Variants in FAM193A observed in about 807,000 individuals in gnomAD.
The protein encoded by FAM193A is protein FAM193A.
In FAM193A, 22 loss-of-function variants were observed where a neutral mutation model predicts 126.5. The ratio of observed to expected loss-of-function variants is 0.17; its 90% CI spans 0.12 to 0.25. The LOEUF (loss-of-function observed/expected upper bound fraction) is 0.25, where lower values mean the gene tolerates loss of function less well. Among genes scored for constraint, FAM193A ranks in the 10% least tolerant of loss-of-function variants. The pLI is 1.00. For missense variants in FAM193A, 1,675 were observed against 1,672.8 expected, an observed-to-expected ratio of 1.00 and a Z score of -0.02; for synonymous variants, 761 against 646.8, an observed-to-expected ratio of 1.18 and a Z score of -2.68.
chr4:2,615,681 G>A (rs539269035), intron 2 of FAM193A, among the ~76,000 whole-genome samples: 1 of 152,120 alleles, frequency 6.6e-6, no homozygotes, highest in African/African-American at 2.4e-5. Context: ...ACCACGCCCA[G>A]GTAATTTTTG....
intron 19 of FAM193A, chr4:2,715,565 A>T: frequency 1.0e-6 from 1 of 971,286 alleles, no homozygotes; most frequent in Non-Finnish European, 1.2e-6. Flanking sequence ...TCAAGGGCAC[A>T]TTCGAGGGAC....
chr4:2,601,630 C>G (rs1168720319), intron 2 of FAM193A, among the ~76,000 whole-genome samples: 1 of 151,240 alleles, frequency 6.6e-6, no homozygotes, highest in Non-Finnish European at 1.5e-5. Context: ...TGGATCACAC[C>G]TGTAACCGTA....
intron 1 of FAM193A, among the ~76,000 whole-genome samples, chr4:2,567,106 A>T (rs867969265): frequency 5.8e-5 from 8 of 137,904 alleles, no homozygotes; most frequent in African/African-American, 1.6e-4. Flanking sequence ...TGCCCGGCTC[A>T]TTTTTTTTTT....
At chr4:2,604,710 A>C (rs989252912) in intron 2 of FAM193A, among the ~76,000 whole-genome samples, 4 of 146,146 alleles carry the variant, frequency 2.7e-5, no homozygotes, top group Non-Finnish European at 6.0e-5. Flanking sequence ...TAGTCTGTTT[A>C]GGTGTTCTTA....
intron 20 of FAM193A, among the ~76,000 whole-genome samples, chr4:2,720,737 A>C (rs1472163677): frequency 6.6e-6 from 1 of 152,230 alleles, no homozygotes; most frequent in Admixed American, 6.5e-5. Flanking sequence ...TAATAGCACC[A>C]AAATCTCTCA....
At chr4:2,552,848 T>A (rs1158101724) in intron 1 of FAM193A, among the ~76,000 whole-genome samples, 1 of 61,008 alleles carries the variant, frequency 1.6e-5, no homozygotes, top group South Asian at 4.0e-4. Context: ...CAGAACTTTC[T>A]TTTTTTTTTT....
intron 13 of FAM193A, among the ~76,000 whole-genome samples, chr4:2,684,182 A>G (rs1715465878): frequency 6.6e-6 from 1 of 152,052 alleles, no homozygotes; most frequent in Admixed American, 6.6e-5. Context: ...CTCTGGTGAG[A>G]TTGTTGTTAG....
chr4:2,663,501 G>T (rs1046366656), intron 12 of FAM193A, among the ~76,000 whole-genome samples: 1 of 152,040 alleles, frequency 6.6e-6, no homozygotes, highest in Non-Finnish European at 1.5e-5. Context: ...TAGCAGCTCT[G>T]TGGAGGCCTT....
At chr4:2,696,998 C>T (rs150546491) in intron 18 of FAM193A, among the ~76,000 whole-genome samples, 9 of 152,016 alleles carry the variant, frequency 5.9e-5, no homozygotes, top group South Asian at 2.1e-4. Context: ...GAGACTGGGG[C>T]GGGGCACTTG....
chr4:2,637,374 A>G (rs1335823254), intron 5 of FAM193A, among the ~76,000 whole-genome samples: 1 of 152,318 alleles, frequency 6.6e-6, no homozygotes, highest in South Asian at 2.1e-4. Context: ...AATCTAAAAA[A>G]TAAAATAAAA....
At chr4:2,570,845 G>T (rs1278318759) in intron 1 of FAM193A, among the ~76,000 whole-genome samples, 1 of 152,198 alleles carries the variant, frequency 6.6e-6, no homozygotes, top group Non-Finnish European at 1.5e-5. Context: ...CTCACTCACA[G>T]ATGGGCCTTA....
Position 2,660,071 on chromosome 4 carries a change from T to C in FAM193A, c.1745+17T>C, listed in dbSNP as rs1712232918. Reference sequence around the variant, plus strand: ...ACCAACTTTGTAAGTTGTGACTTTGTAATAAAGTTTCCGAAATTTAAGTCG... The same window carrying C: ...ACCAACTTTGTAAGTTGTGACTTTGCAATAAAGTTTCCGAAATTTAAGTCG... On this transcript the variant is annotated intron_variant, in intron 10 of 20. Coordinates refer to ENST00000637812, the MANE Select transcript of FAM193A (RefSeq NM_001366318.2). 1 of 1,610,006 alleles carries C rather than the reference T, an allele frequency of 6.2e-7. No homozygotes were observed. Among genetic ancestry groups the C allele is most frequent in the Non-Finnish European group, 8.5e-7 (1 of 1,176,958 alleles).
At chr4:2,576,046 A>T (rs1220583301) in intron 1 of FAM193A, among the ~76,000 whole-genome samples, 1 of 152,142 alleles carries the variant, frequency 6.6e-6, no homozygotes, top group Admixed American at 6.6e-5. Context: ...GGCACTACTG[A>T]ATGATTTAAG....
At chr4:2,573,994 A>G (rs1389571508) in intron 1 of FAM193A, among the ~76,000 whole-genome samples, 1 of 152,172 alleles carries the variant, frequency 6.6e-6, no homozygotes, top group African/African-American at 2.4e-5. Flanking sequence ...TGAGTCAGAG[A>G]GGCTCAGGGG....
At chr4:2,557,964 A>T (rs1328871925) in intron 1 of FAM193A, among the ~76,000 whole-genome samples, 1 of 151,606 alleles carries the variant, frequency 6.6e-6, no homozygotes, top group Non-Finnish European at 1.5e-5. Context: ...AAAAAAAAAA[A>T]GTTAACCATT....
intron 2 of FAM193A, among the ~76,000 whole-genome samples, chr4:2,596,743 C>CGAGGCCACAGA (rs113378414): frequency 0.67 from 101,876 of 151,582 alleles, 35,686 homozygotes; most frequent in African/African-American, 0.87. Context: ...TCAGCCTCTT[C>CGAGGCCACAGA]GAGGCCACAG....
intron 20 of FAM193A, chr4:2,720,038 G>C: frequency 5.5e-6 from 1 of 181,278 alleles, no homozygotes; most frequent in Non-Finnish European, 1.2e-5. Context: ...CAAGTGATCT[G>C]CCCACCTCAG....
intron 1 of FAM193A, among the ~76,000 whole-genome samples, chr4:2,548,715 C>T (rs2108815003): frequency 6.6e-6 from 1 of 151,880 alleles, no homozygotes; most frequent in African/African-American, 2.4e-5. Context: ...CCTCAGCCTC[C>T]CAAAGTGCTG....
At chr4:2,659,257 C>T (rs1310651719) in intron 8 of FAM193A, among the ~76,000 whole-genome samples, 3 of 152,182 alleles carry the variant, frequency 2.0e-5, no homozygotes, top group Non-Finnish European at 4.4e-5. Flanking sequence ...TTGCAAGTAC[C>T]AAGCACATGG....
Sources: allele counts gnomAD v4.1 joint callset (sites outside exome capture counted in the v4.1 genomes callset), GRCh38; gene constraint gnomAD v4.1.1; transcripts MANE v1.5; gene names NCBI Gene and HGNC (gene_info 2026-07-23, HGNC 2026-07-21).